ETNPPL: variants seen among roughly 807,000 people sequenced by gnomAD.
ETNPPL encodes the protein ethanolamine-phosphate phospho-lyase, also known as alanine--glyoxylate aminotransferase 2-like 1.
In ETNPPL, 30 loss-of-function variants were observed where a neutral mutation model predicts 55.5. The observed-to-expected ratio is 0.54, with a 90% CI of 0.40 to 0.73. ETNPPL has a LOEUF of 0.73. Among genes scored for constraint, ETNPPL ranks in the 30% least tolerant of loss-of-function variants. ETNPPL has a pLI of 0.00. For missense variants in ETNPPL, 528 were observed against 607.9 expected, an observed-to-expected ratio of 0.87 and a Z score of 1.38; for synonymous variants, 202 against 207.2, an observed-to-expected ratio of 0.98 and a Z score of 0.21.
At chr4:108,761,881 C>T (rs1472352057) in intron 1 of ETNPPL, among the ~76,000 whole-genome samples, 1 of 152,158 alleles carries the variant, frequency 6.6e-6, no homozygotes, top group African/African-American at 2.4e-5. Flanking sequence ...GAAGAGGATG[C>T]GGATTGTTTT....
At chr4:108,749,097 T>C (rs1353548668) in intron 8 of ETNPPL, 141 bp downstream of exon 8, 3 of 572,628 alleles carry the variant, frequency 5.2e-6, no homozygotes, top group Non-Finnish European at 9.2e-6. Context: ...AGATGTTTTA[T>C]TAAAATAAGA....
At chr4:108,747,884 A>G (rs778819421) in intron 9 of ETNPPL, 121 bp downstream of exon 9, 266 of 766,060 alleles carry the variant, frequency 3.5e-4, no homozygotes, top group Non-Finnish European at 5.0e-4. Context: ...GTGTGCCACC[A>G]CACCTGGCTA....
At chr4:108,743,008 T>C (rs1281896499) in intron 12 of ETNPPL, among the ~76,000 whole-genome samples, 1 of 152,210 alleles carries the variant, frequency 6.6e-6, no homozygotes, top group Non-Finnish European at 1.5e-5. Flanking sequence ...ATAATTGGTT[T>C]GTGTTGTTAG....
rs1159627844 is a variant in ETNPPL at position 108,747,240 on chromosome 4, AAT to A, written c.1083-391_1083-390del. ...ATATATATATTATATATATATATAT[AAT>A]ATATATATATATTATATATATATAT... On this transcript the variant is annotated intron_variant, in intron 9 of 12. Coordinates refer to ENST00000296486, the MANE Select transcript of ETNPPL (RefSeq NM_031279.4). 3.0e-3 allele frequency among the ~76,000 whole-genome samples: 118 copies of A among 39,662 alleles called. 9 individuals are homozygous for A. Among genetic ancestry groups the A allele is most frequent in the South Asian group, 0.012 (12 of 1,028 alleles). The allele number at this position is 39,662 out of a possible 152,430, so 26.0% of individuals were successfully genotyped here. A position where few individuals can be genotyped will look rare whatever the true frequency, so the allele number is the denominator to read the frequency against.
chr4:108,750,545 CGATATATATGATATGT>C (rs1323164592), intron 7 of ETNPPL, among the ~76,000 whole-genome samples: 1 of 139,802 alleles, frequency 7.2e-6, no homozygotes, highest in Non-Finnish European at 1.5e-5. Flanking sequence ...GATATATATA[CGATATATATGATATGT>C]GATATATATA....
At chr4:108,755,821 A>AAAAC (rs113876945) in intron 4 of ETNPPL, among the ~76,000 whole-genome samples, 68 of 152,140 alleles carry the variant, frequency 4.5e-4, no homozygotes, top group East Asian at 2.1e-3. Context: ...ACTCCGTCTC[A>AAAAC]AAACAAACAA....
At position 108,761,023 on chromosome 4, in the gene ETNPPL, A is replaced by G. The variant is rs1305797014; in HGVS notation, c.57-717T>C. Among the ~76,000 whole-genome samples the G allele has an allele frequency of 5.3e-5, 8 of 152,312 alleles. No homozygotes were observed. In the East Asian group the frequency reaches 1.5e-3, roughly 29 times the overall value. On this transcript the variant is annotated intron_variant, in intron 1 of 12. Transcript: ENST00000296486. ...TTTGAGTGGTACTTGTCCAGTATCA[A>G]ATGGATTTTCCATTATTAAATAGTG...
At chr4:108,749,853 G>A (rs1374500024) in intron 7 of ETNPPL, among the ~76,000 whole-genome samples, 4 of 151,964 alleles carry the variant, frequency 2.6e-5, no homozygotes, top group East Asian at 1.9e-4. Flanking sequence ...AACTACAAAC[G>A]TGTGCCACCA....
rs1170620072 is a variant in ETNPPL at position 108,762,948 on chromosome 4, G to C, written c.-50C>G. 1 of 1,570,132 alleles carries C rather than the reference G, an allele frequency of 6.4e-7. No individual in the cohort carries two copies. Among genetic ancestry groups the C allele is most frequent in the South Asian group, 1.1e-5 (1 of 89,926 alleles). On this transcript the variant is annotated 5_prime_UTR_variant, in exon 1 of 13. Coordinates refer to ENST00000296486, the MANE Select transcript of ETNPPL (RefSeq NM_031279.4). ...AAGGTGCAAGGTGCAAGGTCTGCGCGCCTCCTACGCGAGCCTGGGACTGCC... is the reference window on the plus strand; with the variant it reads ...AAGGTGCAAGGTGCAAGGTCTGCGCCCCTCCTACGCGAGCCTGGGACTGCC...
At position 108,753,004 on chromosome 4, in the gene ETNPPL, G is replaced by A; in HGVS notation, c.509C>T (p.Thr170Ile). ...ATATTTTCCTCTGTAAGTATCTGGA[G>A]TTGGTGCCTGAAAACATCAAATAAT... is the stretch of plus-strand genomic sequence containing the variant. ...VKKEFVHVAP[T>I]PDTYRGKYRE... The change falls in exon 6 of 13, where the codon ACT (threonine) becomes ATT (isoleucine). Residue 170 changes from threonine (T) to isoleucine (I), a missense_variant. By Grantham distance (89) the Thr-to-Ile change is moderately conservative. Transcript: ENST00000296486. 2 of 1,591,768 alleles carry A rather than the reference G, an allele frequency of 1.3e-6. No individual in the cohort carries two copies. Among genetic ancestry groups the A allele is most frequent in the South Asian group, 1.1e-5 (1 of 88,728 alleles).
intron 5 of ETNPPL, among the ~76,000 whole-genome samples, chr4:108,753,861 A>G (rs1729067386): frequency 6.6e-6 from 1 of 151,908 alleles, no homozygotes; most frequent in African/African-American, 2.4e-5. Flanking sequence ...GTTAAGACAA[A>G]CACACCAAAT....
At chr4:108,761,525 T>C (rs1298311692) in intron 1 of ETNPPL, among the ~76,000 whole-genome samples, 1 of 152,256 alleles carries the variant, frequency 6.6e-6, no homozygotes, top group Non-Finnish European at 1.5e-5. Context: ...AGCTGAAAGC[T>C]GCAGACTTCA....
chr4:108,746,672 C>T (rs891992633), intron 10 of ETNPPL, 90 bp downstream of exon 10: 24 of 1,498,224 alleles, frequency 1.6e-5, no homozygotes, highest in Non-Finnish European at 2.0e-5. Flanking sequence ...TTTCCTTTTT[C>T]AGAGGGATGG....
At chr4:108,750,165 A>C (rs1247038245) in intron 7 of ETNPPL, among the ~76,000 whole-genome samples, 6 of 152,206 alleles carry the variant, frequency 3.9e-5, no homozygotes, top group Non-Finnish European at 7.3e-5. Context: ...CAAAGTATTA[A>C]TCCTGGGTTC....
Position 108,746,427 on chromosome 4 carries a change from C to G in ETNPPL, c.1275G>C (p.Met425Ile). Reference protein sequence around the residue: ...MCFTEEDAKFMVDQLDRILTV... With the variant: ...MCFTEEDAKFIVDQLDRILTV... ...TTAGAATCCTATCAAGTTGGTCCAC[C>G]ATGAACTTTGCATCTTCTTCAGTGA... Residue 425 changes from methionine to isoleucine, a missense_variant, in exon 11 of 13, where the codon ATG (methionine) becomes ATC (isoleucine). By Grantham distance (10) the Met-to-Ile change is conservative. Transcript: ENST00000296486. 1 of 1,613,906 alleles carries G rather than the reference C, an allele frequency of 6.2e-7. No homozygotes were observed. The highest frequency in any genetic ancestry group is 8.5e-7 in the Non-Finnish European group (1 of 1,179,960).
chr4:108,744,135 C>T (rs1405229621), intron 11 of ETNPPL, among the ~76,000 whole-genome samples: 3 of 152,068 alleles, frequency 2.0e-5, no homozygotes, highest in African/African-American at 7.2e-5. Flanking sequence ...GTGGCACATG[C>T]CTGTAGTCCC....
intron 3 of ETNPPL, among the ~76,000 whole-genome samples, chr4:108,758,391 A>T (rs1245438019): frequency 6.6e-6 from 1 of 152,190 alleles, no homozygotes; most frequent in Non-Finnish European, 1.5e-5. Context: ...ATTTGCAAAA[A>T]CATACTCCTA....
chr4:108,742,445 A>G lies in ETNPPL; in HGVS notation c.*39T>C. On this transcript the variant is annotated 3_prime_UTR_variant, in exon 13 of 13. Coordinates refer to ENST00000296486, the MANE Select transcript of ETNPPL (RefSeq NM_031279.4). Reference sequence around the variant, plus strand: ...TGAGACACATCTACTCATTCTCTGTAACTCTGGACATCGCATCTTGCTTTA... The same window carrying G: ...TGAGACACATCTACTCATTCTCTGTGACTCTGGACATCGCATCTTGCTTTA... The G allele has an allele frequency of 6.2e-7, 1 of 1,610,880 alleles. No individual in the cohort carries two copies. The highest frequency in any genetic ancestry group is 8.5e-7 in the Non-Finnish European group (1 of 1,177,534).
chr4:108,745,853 C>T (rs1728459092), intron 11 of ETNPPL, among the ~76,000 whole-genome samples: 1 of 143,492 alleles, frequency 7.0e-6, no homozygotes, highest in African/African-American at 2.6e-5. Flanking sequence ...ATCGCTGAAA[C>T]CCGGGAGGCG....
Sources: allele counts gnomAD v4.1 joint callset (sites outside exome capture counted in the v4.1 genomes callset), GRCh38; gene constraint gnomAD v4.1.1; transcripts MANE v1.5; gene names NCBI Gene and HGNC (gene_info 2026-07-23, HGNC 2026-07-21).